FRMD6: variants seen among roughly 807,000 people sequenced by gnomAD.
FRMD6 encodes the protein FERM domain containing 6.
A neutral mutation model predicts 73.2 loss-of-function variants in FRMD6; 37 were observed. The ratio of observed to expected loss-of-function variants is 0.51; its 90% CI spans 0.39 to 0.66. The LOEUF (loss-of-function observed/expected upper bound fraction) is 0.66, where lower values mean the gene tolerates loss of function less well. Ranked by LOEUF, FRMD6 falls within the 30% of genes least tolerant of loss-of-function variation. FRMD6 has a pLI of 0.00. For missense variants in FRMD6, 714 were observed against 780.5 expected (o/e 0.91, Z 1.02); for synonymous variants, 273 against 282.2 (o/e 0.97, Z 0.33).
At chr14:51,709,354 A>C (rs1896812472) in intron 7 of FRMD6, among the ~76,000 whole-genome samples, 2 of 152,192 alleles carry the variant, frequency 1.3e-5, no homozygotes, top group African/African-American at 4.8e-5. Flanking sequence ...AAACTGCTTA[A>C]AACAGTGCCC....
chr14:51,466,177 CA>C, the FRMD6 span, among the ~76,000 whole-genome samples: 526 of 152,244 alleles, frequency 3.5e-3, 4 homozygotes, highest in Non-Finnish European at 5.3e-3. Context: ...ATTCTGGATA[CA>C]AGTCTTTTAT....
At chr14:51,512,790 A>G (rs1884392304) in intron 1 of FRMD6, among the ~76,000 whole-genome samples, 1 of 152,134 alleles carries the variant, frequency 6.6e-6, no homozygotes, top group Admixed American at 6.5e-5. Flanking sequence ...ATCAGAATAG[A>G]GGAAAAGCAA....
intron 3 of FRMD6, 76 bp downstream of exon 3, chr14:51,698,308 A>G (rs1896078033): frequency 1.1e-6 from 1 of 900,104 alleles, no homozygotes; most frequent in Non-Finnish European, 1.7e-6. Flanking sequence ...TATAACTTAA[A>G]TTGGGCCTAT....
At chr14:51,456,379 A>G in the FRMD6 span, among the ~76,000 whole-genome samples, 11 of 151,940 alleles carry the variant, frequency 7.2e-5, no homozygotes, top group Non-Finnish European at 1.5e-4. Context: ...TCAACTCCCA[A>G]TTATGAGTGA....
chr14:51,402,701 T>C, the FRMD6 span, among the ~76,000 whole-genome samples: 115,065 of 150,002 alleles, frequency 0.77, 44,842 homozygotes, highest in African/African-American at 0.88. Context: ...TGCGGTGGCA[T>C]GATCTCGGCT....
chr14:51,479,319 C>A, the FRMD6 span, among the ~76,000 whole-genome samples: 1 of 152,098 alleles, frequency 6.6e-6, no homozygotes, highest in East Asian at 1.9e-4. Flanking sequence ...GAAATTTTAC[C>A]CTCCATGGTC....
chr14:51,666,909 C>T (rs974603721), intron 1 of FRMD6, among the ~76,000 whole-genome samples: 7 of 152,126 alleles, frequency 4.6e-5, no homozygotes, highest in Middle Eastern at 3.2e-3. Flanking sequence ...CTGAGGCAAG[C>T]GCTTTGCTGG....
chr14:51,688,849 A>T (rs1895352772), intron 1 of FRMD6, among the ~76,000 whole-genome samples: 1 of 152,224 alleles, frequency 6.6e-6, no homozygotes, highest in Non-Finnish European at 1.5e-5. Context: ...GGGTGTAATT[A>T]TTGAAAATTG....
intron 1 of FRMD6, among the ~76,000 whole-genome samples, chr14:51,550,079 T>C (rs1460739686): frequency 3.3e-5 from 5 of 152,166 alleles, no homozygotes; most frequent in Admixed American, 2.6e-4. Flanking sequence ...GGGGATCCCT[T>C]TCTTTCTAAG....
the FRMD6 span, among the ~76,000 whole-genome samples, chr14:51,464,060 T>C: frequency 6.6e-6 from 1 of 152,198 alleles, no homozygotes; most frequent in African/African-American, 2.4e-5. Flanking sequence ...TCCTCCTACC[T>C]TGGCCACCCA....
chr14:51,492,483 G>A (rs1883071510), intron 1 of FRMD6, among the ~76,000 whole-genome samples: 8 of 151,884 alleles, frequency 5.3e-5, no homozygotes. Flanking sequence ...GGATGACTCT[G>A]GTTAACTTGA....
chr14:51,528,478 G>A lies in FRMD6; in HGVS notation c.-210+39058G>A, dbSNP rs189232074. On this transcript the variant is annotated intron_variant, in intron 1 of 14. Coordinates refer to the FRMD6 transcript ENST00000356218. ...ACTTTAGCTATATCTCTAATCTTCC[G>A]TATGTATAATTAAACCCTTGCATTC... Among the ~76,000 whole-genome samples the A allele has an allele frequency of 2.1e-4, 32 of 152,120 alleles. 1 individual carries two copies. In the East Asian group the frequency reaches 2.9e-3, roughly 14 times the overall value.
chr14:51,633,720 T>G (rs1371291949), intron 2 of FRMD6, among the ~76,000 whole-genome samples: 3 of 149,936 alleles, frequency 2.0e-5, no homozygotes, highest in Non-Finnish European at 4.4e-5. Context: ...AGAATACAAA[T>G]AATAACTCTA....
chr14:51,427,259 T>C, the FRMD6 span, among the ~76,000 whole-genome samples: 1 of 152,226 alleles, frequency 6.6e-6, no homozygotes, highest in Non-Finnish European at 1.5e-5. Context: ...ACAAGTGTCA[T>C]GACCTGTTAC....
chr14:51,567,228 A>G (rs1566818424), intron 1 of FRMD6, among the ~76,000 whole-genome samples: 2 of 152,226 alleles, frequency 1.3e-5, no homozygotes, highest in African/African-American at 4.8e-5. Flanking sequence ...CAAGTTGTTA[A>G]TGTTGGCAAC....
intron 1 of FRMD6, among the ~76,000 whole-genome samples, chr14:51,666,109 T>C (rs188306445): frequency 2.3e-4 from 35 of 152,368 alleles, no homozygotes; most frequent in African/African-American, 8.2e-4. Flanking sequence ...CAAAATCTTA[T>C]GTGAAATCTA....
intron 4 of FRMD6, among the ~76,000 whole-genome samples, chr14:51,701,806 G>T (rs1342764492): frequency 6.6e-6 from 1 of 151,588 alleles, no homozygotes; most frequent in Non-Finnish European, 1.5e-5. Flanking sequence ...GGCTATGCTA[G>T]GTGTCAAAAT....
chr14:51,639,328 G>A (rs888503970), intron 2 of FRMD6, among the ~76,000 whole-genome samples: 11 of 151,996 alleles, frequency 7.2e-5, no homozygotes, highest in Non-Finnish European at 1.5e-4. Context: ...CCAGCTAATC[G>A]GGAGGCTGAG....
At chr14:51,471,113 A>T in the FRMD6 span, among the ~76,000 whole-genome samples, 2 of 152,212 alleles carry the variant, frequency 1.3e-5, no homozygotes, top group Non-Finnish European at 2.9e-5. Context: ...TAATTGTGGA[A>T]TCTATCTGTC....
Sources: allele counts gnomAD v4.1 joint callset (sites outside exome capture counted in the v4.1 genomes callset), GRCh38; gene constraint gnomAD v4.1.1; transcripts MANE v1.5; gene names NCBI Gene and HGNC (gene_info 2026-07-23, HGNC 2026-07-21).